CNTNAP2: variants seen among roughly 807,000 people sequenced by gnomAD.
CNTNAP2 encodes the protein contactin associated protein 2.
Under a neutral mutation model 155.2 loss-of-function variants are expected in CNTNAP2, and 98 were observed. That is an observed-to-expected ratio of 0.63 (90% confidence interval 0.54 to 0.75). CNTNAP2 has a LOEUF of 0.75. CNTNAP2 is among the 30% of genes least tolerant of loss of function. The probability of loss-of-function intolerance (pLI) is 0.00; values close to 1 mark genes in which losing one functional copy is unlikely to be tolerated. For missense variants in CNTNAP2, 1,727 were observed against 1,688.1 expected (o/e 1.02, Z -0.40); for synonymous variants, 651 against 631.2 (o/e 1.03, Z -0.47).
intron 13 of CNTNAP2, among the ~76,000 whole-genome samples, chr7:147,799,105 G>T (rs551073164): frequency 3.8e-4 from 58 of 152,310 alleles, no homozygotes; most frequent in Admixed American, 3.5e-3. Flanking sequence ...TTTCAGGCAT[G>T]AAAATAATAA....
Position 147,718,532 on chromosome 7 carries a change from T to A in CNTNAP2, c.2098+79226T>A, listed in dbSNP as rs1796516044. ...AGTGAACCTCTTACAAAACAAAATA[T>A]ATTTCAGTCTTTAGAGAGTTAAGTC... On this transcript the variant is annotated intron_variant, in intron 13 of 23. Transcript: ENST00000361727. Among the ~76,000 whole-genome samples the A allele has an allele frequency of 2.0e-5, 3 of 152,148 alleles. No individual in the cohort carries two copies. In the South Asian group the frequency reaches 6.2e-4, roughly 31 times the overall value.
intron 1 of CNTNAP2, among the ~76,000 whole-genome samples, chr7:146,535,179 AT>A (rs1402658133): frequency 6.3e-4 from 16 of 25,428 alleles, no homozygotes; most frequent in Non-Finnish European, 7.9e-4. Context: ...ATCATATATC[AT>A]ATATATGATA....
intron 13 of CNTNAP2, among the ~76,000 whole-genome samples, chr7:147,773,550 A>G (rs1042364765): frequency 6.6e-6 from 1 of 152,216 alleles, no homozygotes; most frequent in Non-Finnish European, 1.5e-5. Context: ...AGTCATCAAC[A>G]TATAGTCCAA....
chr7:146,390,318 T>C (rs1020646933), intron 1 of CNTNAP2, among the ~76,000 whole-genome samples: 1 of 151,986 alleles, frequency 6.6e-6, no homozygotes, highest in Admixed American at 6.5e-5. Flanking sequence ...CATTAGAAAC[T>C]AGGTGCCACA....
intron 1 of CNTNAP2, among the ~76,000 whole-genome samples, chr7:146,123,248 C>T (rs1165849679): frequency 6.6e-6 from 1 of 152,150 alleles, no homozygotes; most frequent in African/African-American, 2.4e-5. Context: ...GCTTGAAATA[C>T]CCTCATAAAC....
chr7:148,390,863 C>T (rs188762401), intron 22 of CNTNAP2, among the ~76,000 whole-genome samples: 3 of 152,264 alleles, frequency 2.0e-5, no homozygotes, highest in African/African-American at 4.8e-5. Context: ...AAATGAGGGA[C>T]ATTTATGTTG....
chr7:146,930,974 C>A (rs1033509220), intron 3 of CNTNAP2, among the ~76,000 whole-genome samples: 1 of 152,136 alleles, frequency 6.6e-6, no homozygotes, highest in Non-Finnish European at 1.5e-5. Flanking sequence ...TAGACTCCCA[C>A]ACAATAATAA....
At chr7:146,518,276 T>C (rs527988426) in intron 1 of CNTNAP2, among the ~76,000 whole-genome samples, 71 of 151,896 alleles carry the variant, frequency 4.7e-4, no homozygotes, top group African/African-American at 1.7e-3. Context: ...AGAATACCTG[T>C]AGGAATCAGA....
chr7:148,181,610 G>C (rs1271532231), intron 18 of CNTNAP2, among the ~76,000 whole-genome samples: 1 of 152,042 alleles, frequency 6.6e-6, no homozygotes, highest in Non-Finnish European at 1.5e-5. Context: ...AACTTTCTTA[G>C]AGAAAGAGAT....
At chr7:146,332,572 A>G (rs1044025354) in intron 1 of CNTNAP2, among the ~76,000 whole-genome samples, 3 of 152,178 alleles carry the variant, frequency 2.0e-5, no homozygotes, top group Admixed American at 6.5e-5. Flanking sequence ...CACATATTCT[A>G]TTATCTCCAA....
intron 1 of CNTNAP2, among the ~76,000 whole-genome samples, chr7:146,693,355 C>G (rs1800729414): frequency 6.6e-6 from 1 of 151,890 alleles, no homozygotes; most frequent in Non-Finnish European, 1.5e-5. Context: ...AATCTGCAAG[C>G]AGAAACAAAT....
chr7:147,107,911 A>T (rs1410069224), intron 4 of CNTNAP2, among the ~76,000 whole-genome samples: 3 of 152,174 alleles, frequency 2.0e-5, no homozygotes, highest in African/African-American at 7.2e-5. Context: ...TTTTGTAATT[A>T]AAGTAAAATG....
At chr7:148,030,111 C>A (rs1802448015) in intron 15 of CNTNAP2, among the ~76,000 whole-genome samples, 2 of 152,140 alleles carry the variant, frequency 1.3e-5, no homozygotes, top group Non-Finnish European at 2.9e-5. Flanking sequence ...GTTGTTGTAT[C>A]TGTCTGTGTT....
chr7:147,931,118 A>G (rs571579383), intron 14 of CNTNAP2, among the ~76,000 whole-genome samples: 1 of 152,152 alleles, frequency 6.6e-6, no homozygotes, highest in South Asian at 2.1e-4. Flanking sequence ...AACCTAACAT[A>G]CCTCAAGAAA....
chr7:147,013,557 T>C (rs1798664462), intron 3 of CNTNAP2, among the ~76,000 whole-genome samples: 1 of 152,126 alleles, frequency 6.6e-6, no homozygotes, highest in Non-Finnish European at 1.5e-5. Flanking sequence ...TCATTGCCTT[T>C]TCTTCCTGAA....
intron 11 of CNTNAP2, among the ~76,000 whole-genome samples, chr7:147,499,203 G>GT (rs1160988441): frequency 6.6e-6 from 1 of 152,080 alleles, no homozygotes; most frequent in African/African-American, 2.4e-5. Context: ...AAATATACAA[G>GT]TTTTTTGGAG....
chr7:147,878,687 C>A (rs1261655460), intron 13 of CNTNAP2, among the ~76,000 whole-genome samples: 1 of 152,080 alleles, frequency 6.6e-6, no homozygotes, highest in Admixed American at 6.6e-5. Context: ...CTTTTAGATT[C>A]TTTTTAAGTC....
chr7:146,337,655 A>G (rs1436519117), intron 1 of CNTNAP2, among the ~76,000 whole-genome samples: 1 of 151,924 alleles, frequency 6.6e-6, no homozygotes, highest in African/African-American at 2.4e-5. Flanking sequence ...TTTCTTGTAG[A>G]GATGAGGTCT....
intron 1 of CNTNAP2, among the ~76,000 whole-genome samples, chr7:146,710,588 A>C (rs1242643694): frequency 6.6e-6 from 1 of 152,162 alleles, no homozygotes; most frequent in African/African-American, 2.4e-5. Flanking sequence ...GCAGTAGATG[A>C]CAAAGTTACT....
Sources: gnomAD v4.1 joint callset for allele counts (sites outside exome capture counted in the v4.1 genomes callset) on GRCh38, gnomAD v4.1.1 for gene constraint, MANE v1.5 for transcripts, NCBI Gene and HGNC (gene_info 2026-07-23, HGNC 2026-07-21) for gene names.